Variants in GALNT13 observed in about 807,000 individuals in gnomAD.
GALNT13 encodes the protein polypeptide N-acetylgalactosaminyltransferase 13.
A neutral mutation model predicts 64.2 loss-of-function variants in GALNT13; 28 were observed. The ratio of observed to expected loss-of-function variants is 0.44; its 90% CI spans 0.32 to 0.60. The LOEUF (loss-of-function observed/expected upper bound fraction) is 0.60. GALNT13 is among the 20% of genes least tolerant of loss of function. The pLI, the probability that GALNT13 is intolerant of heterozygous loss-of-function variation, is 0.05. For synonymous variants in GALNT13, 214 were observed against 224.6 expected (o/e 0.95, Z 0.42); for missense variants, 577 against 669.8 (o/e 0.86, Z 1.53).
chr2:153,570,674 T>C, the GALNT13 span, among the ~76,000 whole-genome samples: 2 of 152,258 alleles, frequency 1.3e-5, no homozygotes, highest in South Asian at 2.1e-4. Flanking sequence ...CTTCTGCATA[T>C]GGATATCTAG....
rs1031639223 is a variant in GALNT13 at position 154,183,449 on chromosome 2, C to T, written c.311+42944C>T. ...GTTGCAGACTGAGTATGGTGGCTCA[C>T]GCCTGTAATCCCAGCACTTTGGGAG... On this transcript the variant is annotated intron_variant, in intron 4 of 12. Coordinates refer to ENST00000392825, the MANE Select transcript of GALNT13 (RefSeq NM_052917.4). 2.6e-4 allele frequency among the ~76,000 whole-genome samples: 39 copies of T among 152,234 alleles called. 1 individual carries two copies. Among genetic ancestry groups the T allele is most frequent in the African/African-American group, 7.5e-4 (31 of 41,556 alleles).
chr2:153,083,241 A>G, the GALNT13 span, among the ~76,000 whole-genome samples: 3 of 152,204 alleles, frequency 2.0e-5, no homozygotes, highest in Non-Finnish European at 4.4e-5. Context: ...GGATTGCTGA[A>G]TGAAAAGGTA....
intron 9 of GALNT13, among the ~76,000 whole-genome samples, chr2:154,305,145 C>T (rs894180625): frequency 1.3e-5 from 2 of 152,150 alleles, no homozygotes; most frequent in African/African-American, 4.8e-5. Context: ...ATTTTTATGA[C>T]AACAATTTCA....
At chr2:153,251,129 A>T in the GALNT13 span, among the ~76,000 whole-genome samples, 1 of 152,352 alleles carries the variant, frequency 6.6e-6, no homozygotes, top group South Asian at 2.1e-4. Context: ...TATTTAGTAT[A>T]AAAATTTTAC....
chr2:153,550,400 A>G, the GALNT13 span, among the ~76,000 whole-genome samples: 9 of 147,050 alleles, frequency 6.1e-5, no homozygotes, highest in East Asian at 1.6e-3. Context: ...ACACTCAGCT[A>G]TTTTTTTTTT....
At chr2:153,293,460 G>A in the GALNT13 span, among the ~76,000 whole-genome samples, 3 of 152,128 alleles carry the variant, frequency 2.0e-5, no homozygotes, top group African/African-American at 4.8e-5. Context: ...GTAGGAAGGG[G>A]CCAAGGGATG....
At chr2:154,400,944 A>T (rs799752) in intron 10 of GALNT13, among the ~76,000 whole-genome samples, 52,121 of 151,808 alleles carry the variant, frequency 0.34, 9,438 homozygotes, top group African/African-American at 0.45. Flanking sequence ...AAAAAAATAC[A>T]TTGTGAACTA....
chr2:153,784,880 C>T, the GALNT13 span, among the ~76,000 whole-genome samples: 3 of 152,006 alleles, frequency 2.0e-5, no homozygotes, highest in East Asian at 2.0e-4. Flanking sequence ...CTGACTTAGT[C>T]ATTGTTGCCT....
chr2:154,387,838 G>A (rs1698590330), intron 9 of GALNT13, among the ~76,000 whole-genome samples: 2 of 152,042 alleles, frequency 1.3e-5, no homozygotes, highest in African/African-American at 2.4e-5. Context: ...ATACATTTAG[G>A]TTGATCCCAT....
the GALNT13 span, among the ~76,000 whole-genome samples, chr2:153,692,542 A>G: frequency 1.4e-4 from 21 of 152,146 alleles, no homozygotes; most frequent in African/African-American, 4.1e-4. Context: ...ATTTCCAGAT[A>G]TTGTTTCTTT....
At chr2:153,082,914 C>T in the GALNT13 span, among the ~76,000 whole-genome samples, 1,351 of 151,368 alleles carry the variant, frequency 8.9e-3, 21 homozygotes, top group Middle Eastern at 0.027. Context: ...CTGCAACCTC[C>T]GCCTCGCAGG....
At chr2:153,092,384 T>C in the GALNT13 span, among the ~76,000 whole-genome samples, 1 of 152,184 alleles carries the variant, frequency 6.6e-6, no homozygotes, top group Non-Finnish European at 1.5e-5. Context: ...AAGAATATCA[T>C]TTGTATTTTG....
chr2:153,685,600 C>G, the GALNT13 span, among the ~76,000 whole-genome samples: 1 of 151,942 alleles, frequency 6.6e-6, no homozygotes, highest in Admixed American at 6.6e-5. Context: ...AAAATTATCT[C>G]CCATTGTGTA....
intron 4 of GALNT13, among the ~76,000 whole-genome samples, chr2:154,239,582 G>A (rs1689372800): frequency 6.6e-6 from 1 of 152,090 alleles, no homozygotes; most frequent in Non-Finnish European, 1.5e-5. Context: ...GAGCTACTTG[G>A]AGATACAAGT....
the GALNT13 span, among the ~76,000 whole-genome samples, chr2:153,234,669 A>G: frequency 1.3e-5 from 2 of 152,178 alleles, no homozygotes; most frequent in Non-Finnish European, 2.9e-5. Flanking sequence ...CTGCCTCCAA[A>G]GCATGGGTCT....
chr2:153,808,385 C>A, the GALNT13 span, among the ~76,000 whole-genome samples: 1 of 152,046 alleles, frequency 6.6e-6, no homozygotes, highest in Non-Finnish European at 1.5e-5. Flanking sequence ...TTACCATTTT[C>A]AGCCCATTTT....
the GALNT13 span, among the ~76,000 whole-genome samples, chr2:153,298,018 A>G: frequency 4.6e-5 from 7 of 152,174 alleles, no homozygotes; most frequent in Admixed American, 3.3e-4. Context: ...GGTTCTGAGC[A>G]TGTAATTTAG....
At chr2:153,779,653 T>C in the GALNT13 span, among the ~76,000 whole-genome samples, 5 of 152,270 alleles carry the variant, frequency 3.3e-5, no homozygotes, top group South Asian at 1.0e-3. Flanking sequence ...TTTTATATTA[T>C]AAAAATAATA....
At chr2:153,818,500 T>C in the GALNT13 span, among the ~76,000 whole-genome samples, 1 of 152,188 alleles carries the variant, frequency 6.6e-6, no homozygotes, top group African/African-American at 2.4e-5. Context: ...GACAGCAGAC[T>C]GTGTGACCCC....
Sources: allele counts gnomAD v4.1 joint callset (sites outside exome capture counted in the v4.1 genomes callset), GRCh38; gene constraint gnomAD v4.1.1; transcripts MANE v1.5; gene names NCBI Gene and HGNC (gene_info 2026-07-23, HGNC 2026-07-21).